Variants in GARNL3 observed in about 807,000 individuals in gnomAD.
The protein encoded by GARNL3 is GTPase activating Rap/RanGAP domain like 3.
GARNL3 carries 63 observed loss-of-function variants against 125.0 expected under a neutral mutation model. That is an observed-to-expected ratio of 0.50 (90% CI 0.41 to 0.62). The LOEUF (loss-of-function observed/expected upper bound fraction) is 0.62. Ranked by LOEUF, GARNL3 falls within the 20% of genes least tolerant of loss-of-function variation. The probability of loss-of-function intolerance (pLI) is 0.00; values close to 1 mark genes in which losing one functional copy is unlikely to be tolerated. For synonymous variants in GARNL3, 439 were observed against 457.5 expected, an observed-to-expected ratio of 0.96 and a Z score of 0.52; for missense variants, 994 against 1,244.0, an observed-to-expected ratio of 0.80 and a Z score of 3.02.
chr9:127,290,766 G>C (rs1287488183), intron 1 of GARNL3, among the ~76,000 whole-genome samples: 1 of 152,236 alleles, frequency 6.6e-6, no homozygotes, highest in African/African-American at 2.4e-5. Flanking sequence ...AGAGCCTTGA[G>C]TTCTTGCCAG....
At chr9:127,279,246 C>T (rs1042663454) in intron 1 of GARNL3, among the ~76,000 whole-genome samples, 3 of 151,252 alleles carry the variant, frequency 2.0e-5, no homozygotes, top group African/African-American at 4.9e-5. Context: ...AATTTATCTG[C>T]ACCTTTGTAT....
At chr9:127,351,901 A>C (rs1373274980) in intron 17 of GARNL3, among the ~76,000 whole-genome samples, 1 of 152,150 alleles carries the variant, frequency 6.6e-6, no homozygotes, top group Non-Finnish European at 1.5e-5. Flanking sequence ...CATTAAATCC[A>C]CCTGTCACTC....
At chr9:127,362,689 G>A (rs900120172) in intron 21 of GARNL3, 3 of 152,322 alleles carry the variant, frequency 2.0e-5, no homozygotes, top group African/African-American at 7.2e-5. Context: ...AAAGTGGTGG[G>A]GCCAGGAAGG....
At chr9:127,264,681 G>A (rs16929724), upstream of GARNL3, 619 of 1,203,072 alleles carry the variant, frequency 5.1e-4, 2 homozygotes, top group African/African-American at 8.8e-3. Context: ...AATTTCAATC[G>A]ATTCCAAATG....
chr9:127,240,857 A>T (rs1345489739), intron 1 of GARNL3, among the ~76,000 whole-genome samples: 1 of 152,230 alleles, frequency 6.6e-6, no homozygotes, highest in South Asian at 2.1e-4. Flanking sequence ...ATAGTGAGTT[A>T]TGATTGTGCC....
At position 127,311,630 on chromosome 9, in the gene GARNL3, T is replaced by C. The variant is rs1433957294; in HGVS notation, c.220-6T>C. 1 of 1,608,416 alleles carries C rather than the reference T, an allele frequency of 6.2e-7. No homozygotes were observed. On this transcript the variant is annotated splice_region_variant and splice_polypyrimidine_tract_variant and intron_variant, in intron 2 of 27. Coordinates refer to ENST00000373387, the MANE Select transcript of GARNL3 (RefSeq NM_032293.5). ...CTCTTAATGTCACAACTTTGTTCCA[T>C]TACAGAATGCAACTGCCCTGCCTGG...
rs1488971613 is a variant in GARNL3, at chr9:127,392,629, G to A, written c.2871-454G>A. The stretch of plus-strand genomic sequence containing the variant: ...GTGGAATGCATTAACTCTCTGAGAA[G>A]TGGAAACCAATATTGGTCAAATTAA... On this transcript the variant is annotated intron_variant, in intron 27 of 27. Coordinates refer to ENST00000373387, the MANE Select transcript of GARNL3 (RefSeq NM_032293.5). The surrounding 1 kb of genome is among the most constrained non-coding windows in gnomAD (Gnocchi z 5.2). Among the ~76,000 whole-genome samples, 2 of 152,236 alleles carry A rather than the reference G, an allele frequency of 1.3e-5. No homozygotes were observed. Among genetic ancestry groups the A allele is most frequent in the East Asian group, 3.8e-4 (2 of 5,202 alleles).
intron 1 of GARNL3, among the ~76,000 whole-genome samples, chr9:127,239,556 T>A (rs2063168712): frequency 2.0e-5 from 3 of 152,276 alleles, no homozygotes; most frequent in Non-Finnish European, 2.9e-5. Context: ...TGTCTTTATA[T>A]ATTGAGCTAT....
chr9:127,273,765 T>C (rs917545887), intron 1 of GARNL3, among the ~76,000 whole-genome samples: 1 of 152,198 alleles, frequency 6.6e-6, no homozygotes, highest in Non-Finnish European at 1.5e-5. Flanking sequence ...AAAATTTTTC[T>C]CAGGACCAAA....
intron 7 of GARNL3, among the ~76,000 whole-genome samples, chr9:127,330,509 A>G (rs1326449583): frequency 6.6e-6 from 1 of 152,196 alleles, no homozygotes; most frequent in African/African-American, 2.4e-5. Flanking sequence ...ATCTTTTCCA[A>G]TGTACTATGG....
At chr9:127,230,099 C>T (rs2062975930) in intron 1 of GARNL3, among the ~76,000 whole-genome samples, 1 of 152,144 alleles carries the variant, frequency 6.6e-6, no homozygotes, top group Non-Finnish European at 1.5e-5. Context: ...GATGTGTTTG[C>T]CATCATTTTG....
chr9:127,251,744 A>C (rs895229650), intron 2 of GARNL3, among the ~76,000 whole-genome samples: 3 of 152,258 alleles, frequency 2.0e-5, no homozygotes, highest in Admixed American at 6.5e-5. Context: ...GAAAGGGATC[A>C]GAATATGCCA....
In GARNL3 at chr9:127,226,243, T is replaced by C. The variant is rs562196908; in HGVS notation, c.-29+1905T>C. ...GACAGAGAGAGAGAAGGATGTGGAC[T>C]CCGACCCGCACTGAGGCCAATAAGA... On this transcript the variant is annotated intron_variant, in intron 1 of 10. Coordinates refer to the GARNL3 transcript ENST00000439286. Among the ~76,000 whole-genome samples, 4 of 152,324 alleles carry C rather than the reference T, an allele frequency of 2.6e-5. 1 individual carries two copies. Among genetic ancestry groups the C allele is most frequent in the African/African-American group, 9.6e-5 (4 of 41,570 alleles).
At position 127,335,239 on chromosome 9, in the gene GARNL3, C is replaced by G; in HGVS notation, c.779C>G (p.Thr260Arg). The G allele has an allele frequency of 6.2e-7, 1 of 1,611,126 alleles. No homozygotes were observed. The highest frequency in any genetic ancestry group is 1.3e-5 in the African/African-American group (1 of 74,976). Residue 260 changes from threonine (T) to arginine (R), a missense_variant, in exon 10 of 28, where the codon ACA (threonine) becomes AGA (arginine). Physicochemically the swap from Thr to Arg is moderately conservative, Grantham distance 71 (BLOSUM62 -1). Around this residue, in one of 5 missense-constraint regions of GARNL3, gnomAD observed 71 missense variants for 66.2 expected, o/e 1.07. Coordinates refer to ENST00000373387, the MANE Select transcript of GARNL3 (RefSeq NM_032293.5). ...TATTTATATTTTGCAGATGATACCA[C>G]AGGGATACATTCAGTTTATACTGTG... ...RGGLDTKNDT[T>R]GIHSVYTVYQ...
At chr9:127,281,596 G>GAA (rs1191999615) in intron 1 of GARNL3, among the ~76,000 whole-genome samples, 1 of 152,036 alleles carries the variant, frequency 6.6e-6, no homozygotes, top group East Asian at 1.9e-4. Flanking sequence ...GGGAGGAGGA[G>GAA]AAAAAAACCT....
intron 2 of GARNL3, chr9:127,300,883 A>G (rs1384208357): frequency 7.4e-6 from 2 of 271,646 alleles, no homozygotes; most frequent in South Asian, 3.7e-5. Flanking sequence ...CAGACTCCAC[A>G]ATAAAGGACT....
At chr9:127,282,400 G>A (rs1407057133) in intron 1 of GARNL3, among the ~76,000 whole-genome samples, 4 of 152,024 alleles carry the variant, frequency 2.6e-5, no homozygotes, top group Non-Finnish European at 4.4e-5. Flanking sequence ...TTCTAGGCTC[G>A]TTATACATTT....
chr9:127,372,182 T>C (rs1831648668), intron 22 of GARNL3, among the ~76,000 whole-genome samples: 1 of 152,216 alleles, frequency 6.6e-6, no homozygotes, highest in African/African-American at 2.4e-5. Flanking sequence ...ATTCAGAATA[T>C]ATAAATAAGA....
intron 1 of GARNL3, among the ~76,000 whole-genome samples, chr9:127,267,986 G>C (rs1357699028): frequency 6.6e-6 from 1 of 152,082 alleles, no homozygotes; most frequent in East Asian, 1.9e-4. Context: ...TAGTTCTCTA[G>C]GTTTCCATCC....
Sources: allele counts gnomAD v4.1 joint callset (sites outside exome capture counted in the v4.1 genomes callset), GRCh38; gene constraint gnomAD v4.1.1; regional missense constraint gnomAD v4.1.1; non-coding constraint Gnocchi (gnomAD v3.1); transcripts MANE v1.5; gene names NCBI Gene and HGNC (gene_info 2026-07-23, HGNC 2026-07-21).